B4GALT6: variants seen among roughly 807,000 people sequenced by gnomAD.
The protein encoded by B4GALT6 is UDP-Gal:beta-GlcNAc beta-1,4-galactosyltransferase 6.
In B4GALT6, 14 loss-of-function variants were observed where a neutral mutation model predicts 46.3. The ratio of observed to expected loss-of-function variants is 0.30; its 90% CI spans 0.20 to 0.47. The LOEUF (loss-of-function observed/expected upper bound fraction) is 0.47. Among genes scored for constraint, B4GALT6 ranks in the 20% least tolerant of loss-of-function variants. The pLI is 0.99. For missense variants in B4GALT6, 386 were observed against 480.1 expected (o/e 0.80, Z 1.83); for synonymous variants, 168 against 162.0 (o/e 1.04, Z -0.28).
chr18:31,658,276 T>C (rs1032439252), intron 2 of B4GALT6, 187 bp from the exon 3 acceptor site: 6 of 507,372 alleles, frequency 1.2e-5, no homozygotes, highest in African/African-American at 7.7e-5. Context: ...TCAGCATGAT[T>C]TCCCAAGAGA....
chr18:31,684,655 C>T, upstream of B4GALT6: 1 of 928,720 alleles, frequency 1.1e-6, no homozygotes, highest in Non-Finnish European at 1.3e-6. Flanking sequence ...GGCCGAGGGA[C>T]AAGAGGTGGA....
At chr18:31,661,628 T>C (rs2074218493) in intron 2 of B4GALT6, among the ~76,000 whole-genome samples, 1 of 152,154 alleles carries the variant, frequency 6.6e-6, no homozygotes, top group African/African-American at 2.4e-5. Context: ...TATATAGAGA[T>C]GATAATTTTT....
At chr18:31,676,090 A>C (rs1439332184) in intron 1 of B4GALT6, among the ~76,000 whole-genome samples, 1 of 152,176 alleles carries the variant, frequency 6.6e-6, no homozygotes, top group East Asian at 1.9e-4. Context: ...TGGTCTCTTG[A>C]TTCAAATGAA....
chr18:31,706,235 A>G, the B4GALT6 span, among the ~76,000 whole-genome samples: 1 of 152,166 alleles, frequency 6.6e-6, no homozygotes, highest in Non-Finnish European at 1.5e-5. Context: ...ATATATTCAT[A>G]ATACATACAG....
Position 31,631,135 on chromosome 18 carries a change from T to C in B4GALT6, c.600A>G (p.Gln200=), listed in dbSNP as rs759374765. Residue 200 remains glutamine (Q), a synonymous_variant, in exon 6 of 9, where the codon CAA becomes CAG. Transcript: ENST00000306851. ...AFYVIEQTGT[Q]PFNRAMLFNV... ...TGAAAAGCATCGCACGGTTAAAAGG[T>C]TGTGTGCCAGTCTTCATGGAGCAGA... The C allele has an allele frequency of 5.0e-6, 8 of 1,612,718 alleles. No homozygotes were observed. The highest frequency in any genetic ancestry group is 2.7e-5 in the African/African-American group (2 of 74,816).
At chr18:31,700,751 C>T in the B4GALT6 span, among the ~76,000 whole-genome samples, 9 of 152,098 alleles carry the variant, frequency 5.9e-5, no homozygotes, top group South Asian at 8.3e-4. Flanking sequence ...CCACCGCGCC[C>T]GGCCAAAATT....
intron 4 of B4GALT6, 38 bp downstream of exon 4, chr18:31,645,317 G>C (rs146313105): frequency 6.2e-7 from 1 of 1,610,974 alleles, no homozygotes; most frequent in Admixed American, 1.7e-5. Context: ...CAAATGCTCA[G>C]TAACAATCAA....
chr18:31,636,968 C>T lies in B4GALT6; in HGVS notation c.588+1676G>A, dbSNP rs368682329. Among the ~76,000 whole-genome samples the T allele has an allele frequency of 2.6e-5, 4 of 152,282 alleles. No homozygotes were observed. The South Asian group carries it at 8.3e-4, about 32-fold the overall frequency. On this transcript the variant is annotated intron_variant, in intron 5 of 8. Coordinates refer to ENST00000306851, the MANE Select transcript of B4GALT6 (RefSeq NM_004775.5). The stretch of plus-strand genomic sequence containing the variant: ...CCCAAGTAGCTGGGATTACAGGTGC[C>T]TGCCACCATGCCCGGCTAATTTTTG...
At chr18:31,718,454 G>C in the B4GALT6 span, among the ~76,000 whole-genome samples, 1 of 152,158 alleles carries the variant, frequency 6.6e-6, no homozygotes, top group African/African-American at 2.4e-5. Flanking sequence ...AAACAGTTCA[G>C]AAGTTGCCTG....
rs749635114 is a variant in B4GALT6, at chr18:31,658,019, T to G, written c.303A>C (p.Thr101=). The G allele has an allele frequency of 4.3e-6, 7 of 1,613,484 alleles. No homozygotes were observed. The highest frequency in any genetic ancestry group is 3.3e-5 in the Admixed American group (2 of 59,932). The change falls in exon 3 of 9, where the codon ACA becomes ACC. Residue 101 remains threonine, a synonymous_variant. Coordinates refer to ENST00000306851, the MANE Select transcript of B4GALT6 (RefSeq NM_004775.5). ...CTGGACAGGGGAGGTATGGTGAGTA[T>G]GTGAAGTTTTCCGGGAGATACGTTG... The part of the protein sequence containing the change: ...QTTTYLPENF[T]YSPYLPCPEK...
chr18:31,714,747 G>A, the B4GALT6 span, among the ~76,000 whole-genome samples: 216 of 152,264 alleles, frequency 1.4e-3, no homozygotes, highest in Non-Finnish European at 2.6e-3. Flanking sequence ...CAGGCCTAGG[G>A]GAGATGGTGA....
Position 31,626,358 on chromosome 18 carries a change from GT to G in B4GALT6, c.925del (p.Thr309ProfsTer7). 1 of 1,603,286 alleles carries G rather than the reference GT, an allele frequency of 6.2e-7. No individual in the cohort carries two copies. Among genetic ancestry groups the G allele is most frequent in the Non-Finnish European group, 8.5e-7 (1 of 1,171,864 alleles). On this transcript the variant is annotated frameshift_variant, in exon 8 of 9. Transcript: ENST00000306851. LOFTEE classifies it high-confidence loss of function. The stretch of plus-strand genomic sequence containing the variant: ...TTTTCCTAAGTCTCCCTCTGGTCTG[GT>G]TACATTATATCCAGCATAGTGAACT... ...NRVHYAGYNV[T>X]RPEGDLGKYK...
chr18:31,700,453 G>C, the B4GALT6 span, among the ~76,000 whole-genome samples: 3 of 142,436 alleles, frequency 2.1e-5, no homozygotes, highest in African/African-American at 8.1e-5. Flanking sequence ...GTGTGTGTGT[G>C]TGTGTGTGTG....
rs549070624 is a variant in B4GALT6, at chr18:31,622,964, C to G, written c.*2650G>C. On this transcript the variant is annotated 3_prime_UTR_variant, in exon 9 of 9. Transcript: ENST00000306851. ...CCTATTAGCCCTAGGTCCACATATACGGGTTTCTTGACTTTGAGACTAGGA... is the reference window on the plus strand; with the variant it reads ...CCTATTAGCCCTAGGTCCACATATAGGGGTTTCTTGACTTTGAGACTAGGA... 2.6e-5 allele frequency: 4 copies of G among 151,948 alleles called. No individual in the cohort carries two copies. Among genetic ancestry groups the G allele is most frequent in the African/African-American group, 9.7e-5 (4 of 41,410 alleles). The allele number at this position is 151,948 out of a possible 1,614,324, so 9.4% of individuals were successfully genotyped here. A position where few individuals can be genotyped will look rare whatever the true frequency, so the allele number is the denominator to read the frequency against.
Position 31,638,640 on chromosome 18 carries a change from TCA to T in B4GALT6, c.588+2_588+3del, listed in dbSNP as rs747837860. ...TTAGTGACCACTATGAAAAGTATTC[TCA>T]CCTGTTCAATGACATAAAACGCAAA... On this transcript the variant is annotated splice_donor_variant and splice_donor_region_variant and intron_variant, in intron 5 of 8. Transcript: ENST00000306851. LOFTEE classifies it high-confidence loss of function. 6.3e-7 allele frequency: 1 copy of T among 1,595,640 alleles called. No individual in the cohort carries two copies. The highest frequency in any genetic ancestry group is 1.3e-5 in the African/African-American group (1 of 74,578).
chr18:31,704,241 C>CA, the B4GALT6 span, among the ~76,000 whole-genome samples: 3 of 147,702 alleles, frequency 2.0e-5, no homozygotes, highest in Admixed American at 1.4e-4. Context: ...TTTTTTGAGA[C>CA]AGAGTGTCAC....
chr18:31,630,101 G>A (rs2073766595), intron 6 of B4GALT6, among the ~76,000 whole-genome samples: 1 of 147,216 alleles, frequency 6.8e-6, no homozygotes, highest in Non-Finnish European at 1.5e-5. Flanking sequence ...GGGGAAGGAG[G>A]GGAGCGGGAG....
Position 31,625,765 on chromosome 18 carries a change from T to C in B4GALT6, c.1002-4A>G, listed in dbSNP as rs745431295. Reference sequence around the variant, plus strand: ...GGAATACCTTAGTAATTTATACCTATAGTTTTAGAGGAAAAAACAAAAAAG... The same window carrying C: ...GGAATACCTTAGTAATTTATACCTACAGTTTTAGAGGAAAAAACAAAAAAG... On this transcript the variant is annotated splice_polypyrimidine_tract_variant and splice_region_variant and intron_variant, in intron 8 of 8. Transcript: ENST00000306851. The C allele has an allele frequency of 6.3e-7, 1 of 1,575,368 alleles. No individual in the cohort carries two copies. Among genetic ancestry groups the C allele is most frequent in the Non-Finnish European group, 8.6e-7 (1 of 1,167,552 alleles).
Position 31,626,285 on chromosome 18 carries a change from T to C in B4GALT6, c.999A>G (p.Gly333=), listed in dbSNP as rs1446417154. 1.3e-6 allele frequency: 2 copies of C among 1,557,770 alleles called. No individual in the cohort carries two copies. The highest frequency in any genetic ancestry group is 1.7e-4 in the Middle Eastern group (1 of 5,894). The part of the protein sequence containing the change: ...HHHRGEVQFL[G]RYKLLRYSKE... Reference sequence around the variant, plus strand: ...TCTGAAGATGACATTCAACTTACCGTCCTAAAAACTGGACTTCACCTCTAT... The same window carrying C: ...TCTGAAGATGACATTCAACTTACCGCCCTAAAAACTGGACTTCACCTCTAT... The change falls in exon 8 of 9, where the codon GGA becomes GGG. Residue 333 remains glycine, a splice_region_variant and synonymous_variant. Transcript: ENST00000306851.
Sources: gnomAD v4.1 joint callset for allele counts (sites outside exome capture counted in the v4.1 genomes callset) on GRCh38, gnomAD v4.1.1 for gene constraint, MANE v1.5 for transcripts, NCBI Gene and HGNC (gene_info 2026-07-23, HGNC 2026-07-21) for gene names.